Variants in SPATA17 observed in about 807,000 individuals in gnomAD.
SPATA17 encodes the protein spermatogenesis-associated protein 17.
A neutral mutation model predicts 62.2 loss-of-function variants in SPATA17; 53 were observed. The observed-to-expected ratio is 0.85, with a 90% CI of 0.68 to 1.07. SPATA17 has a LOEUF of 1.07. SPATA17 is among the 50% of genes least tolerant of loss of function. The probability of loss-of-function intolerance (pLI) is 0.00; values close to 1 mark genes in which losing one functional copy is unlikely to be tolerated. For missense variants in SPATA17, 466 were observed against 425.5 expected (o/e 1.10, Z -0.84); for synonymous variants, 146 against 146.8 (o/e 0.99, Z 0.04).
intron 5 of SPATA17, among the ~76,000 whole-genome samples, chr1:217,734,447 C>A (rs941580488): frequency 1.3e-5 from 2 of 152,154 alleles, no homozygotes; most frequent in African/African-American, 4.8e-5. Flanking sequence ...AAGTGAAGCT[C>A]CTGCCTCAGC....
intron 5 of SPATA17, among the ~76,000 whole-genome samples, chr1:217,739,947 T>C (rs1672590561): frequency 6.6e-6 from 1 of 152,102 alleles, no homozygotes; most frequent in Non-Finnish European, 1.5e-5. Flanking sequence ...GTGTTTTCTT[T>C]ATATGCTGGA....
intron 4 of SPATA17, among the ~76,000 whole-genome samples, chr1:217,681,000 AG>A (rs35526489): frequency 0.25 from 37,719 of 148,042 alleles, 5,771 homozygotes; most frequent in Non-Finnish European, 0.35. Context: ...AGGCCAAGGC[AG>A]GCAGATCACG....
chr1:217,711,287 C>G (rs547765878), intron 5 of SPATA17, among the ~76,000 whole-genome samples: 65 of 152,252 alleles, frequency 4.3e-4, no homozygotes, highest in Non-Finnish European at 7.2e-4. Context: ...AATCCGCAGC[C>G]CCTTCCCACC....
intron 6 of SPATA17, among the ~76,000 whole-genome samples, chr1:217,769,149 G>A (rs1445686164): frequency 6.6e-6 from 1 of 152,066 alleles, no homozygotes; most frequent in Non-Finnish European, 1.5e-5. Flanking sequence ...ATACATTTTA[G>A]TTAACTAGCT....
intron 5 of SPATA17, among the ~76,000 whole-genome samples, chr1:217,718,015 C>A (rs1009982426): frequency 6.6e-6 from 1 of 152,160 alleles, no homozygotes; most frequent in Non-Finnish European, 1.5e-5. Flanking sequence ...TAGAGATAAA[C>A]CTCAGGACTT....
intron 9 of SPATA17, among the ~76,000 whole-genome samples, chr1:217,855,107 A>G (rs1675750293): frequency 1.3e-5 from 2 of 152,152 alleles, no homozygotes; most frequent in South Asian, 2.1e-4. Context: ...AAAACTTAGG[A>G]TGCTACAATC....
chr1:217,653,652 A>C (rs1004544611), intron 3 of SPATA17, among the ~76,000 whole-genome samples: 1 of 142,328 alleles, frequency 7.0e-6, no homozygotes, highest in Non-Finnish European at 1.5e-5. Context: ...GACATTGGAC[A>C]GTGAGCCAAT....
chr1:217,751,803 A>C (rs983696856), intron 6 of SPATA17, among the ~76,000 whole-genome samples: 1 of 152,112 alleles, frequency 6.6e-6, no homozygotes, highest in African/African-American at 2.4e-5. Context: ...AATAAAAATT[A>C]ATTAAAAGAG....
chr1:217,672,392 T>C (rs1444959849), intron 4 of SPATA17, among the ~76,000 whole-genome samples: 1 of 152,164 alleles, frequency 6.6e-6, no homozygotes, highest in Non-Finnish European at 1.5e-5. Context: ...GACAGACATA[T>C]ATGTACCCAA....
At chr1:217,799,859 C>A (rs1161310482) in intron 8 of SPATA17, among the ~76,000 whole-genome samples, 3 of 151,686 alleles carry the variant, frequency 2.0e-5, no homozygotes, top group African/African-American at 4.8e-5. Flanking sequence ...ATATGTTGAA[C>A]CTCAACTTTT....
chr1:217,773,675 T>G (rs938185749), intron 6 of SPATA17, among the ~76,000 whole-genome samples: 1 of 152,136 alleles, frequency 6.6e-6, no homozygotes, highest in Non-Finnish European at 1.5e-5. Context: ...ACAGCAAGGA[T>G]AATACTACAG....
rs1188300100 is a variant in SPATA17, at chr1:217,749,943, T to TTCTCTCTCTCTC, written c.519+7877_519+7888dup. Among the ~76,000 whole-genome samples, 25 of 41,458 alleles carry TTCTCTCTCTCTC rather than the reference T, an allele frequency of 6.0e-4. 1 individual carries two copies. The highest frequency in any genetic ancestry group is 9.7e-4 in the Non-Finnish European group (21 of 21,612). 27.2% of individuals were successfully genotyped at this position (41,458 alleles called of 152,430 possible). A position where few individuals can be genotyped will look rare whatever the true frequency, so the allele number is the denominator to read the frequency against. On this transcript the variant is annotated intron_variant, in intron 6 of 10. Transcript: ENST00000366933. Reference sequence around the variant, plus strand: ...TATCCTAGAGAAATTTGTCATAAGATTCTCTCTCTCTCTCTCTCTCTCTCT... The same window carrying TTCTCTCTCTCTC: ...TATCCTAGAGAAATTTGTCATAAGATTCTCTCTCTCTCTCTCTCTCTCTCTCTCTCTCTCTCT...
chr1:217,725,986 T>C (rs1672250016), intron 5 of SPATA17, among the ~76,000 whole-genome samples: 1 of 152,228 alleles, frequency 6.6e-6, no homozygotes, highest in Non-Finnish European at 1.5e-5. Flanking sequence ...GTTAATGATA[T>C]ATTTTCTTTC....
At position 217,668,119 on chromosome 1, in the gene SPATA17, C is replaced by A. The variant is rs534279080; in HGVS notation, c.241-914C>A. ...TTTGCCTGAAACATAACAATTATTA[C>A]CTGGGCTCAAGTTATAGTGAATAAA... On this transcript the variant is annotated intron_variant, in intron 3 of 10. Transcript: ENST00000366933. Among the ~76,000 whole-genome samples the A allele has an allele frequency of 2.1e-3, 321 of 152,234 alleles. 2 individuals carry two copies. The highest frequency in any genetic ancestry group is 0.015 in the Admixed American group (222 of 15,296).
At chr1:217,843,700 G>A (rs1010050296) in intron 9 of SPATA17, among the ~76,000 whole-genome samples, 19 of 151,980 alleles carry the variant, frequency 1.3e-4, no homozygotes, top group Non-Finnish European at 1.9e-4. Context: ...GCATTGTAGC[G>A]CAAAAGCAGC....
At chr1:217,671,698 G>A (rs905618833) in intron 4 of SPATA17, among the ~76,000 whole-genome samples, 3 of 152,122 alleles carry the variant, frequency 2.0e-5, no homozygotes, top group Admixed American at 2.0e-4. Context: ...GAGAAGCATA[G>A]GGGTGGGAAT....
Position 217,782,524 on chromosome 1 carries a change from C to T in SPATA17, c.872+202C>T, listed in dbSNP as rs867870531. On this transcript the variant is annotated intron_variant, in intron 8 of 10. Transcript: ENST00000366933. ...TTGATGGCAAAAACTCTTTTGACAACTCAAAAGACAAAAAAAAGATCGGCA... is the reference window on the plus strand; with the variant it reads ...TTGATGGCAAAAACTCTTTTGACAATTCAAAAGACAAAAAAAAGATCGGCA... 5.3e-5 allele frequency among the ~76,000 whole-genome samples: 8 copies of T among 151,884 alleles called. No homozygotes were observed. The South Asian group carries it at 1.0e-3, about 20-fold the overall frequency.
At chr1:217,652,276 G>C (rs1670332419) in intron 3 of SPATA17, among the ~76,000 whole-genome samples, 1 of 152,170 alleles carries the variant, frequency 6.6e-6, no homozygotes, top group South Asian at 2.1e-4. Context: ...CTCTTCCCCA[G>C]GCTGGAGTGC....
intron 9 of SPATA17, among the ~76,000 whole-genome samples, chr1:217,846,235 A>T (rs1056241097): frequency 3.9e-5 from 6 of 152,144 alleles, no homozygotes; most frequent in Non-Finnish European, 8.8e-5. Flanking sequence ...AGGTAAAAAT[A>T]TGTCAACATA....
Sources: gnomAD v4.1 joint callset for allele counts (sites outside exome capture counted in the v4.1 genomes callset) on GRCh38, gnomAD v4.1.1 for gene constraint, MANE v1.5 for transcripts, NCBI Gene and HGNC (gene_info 2026-07-23, HGNC 2026-07-21) for gene names.